Variants in KCNT2 observed in about 807,000 individuals in gnomAD.
The protein encoded by KCNT2 is potassium channel subfamily T member 2.
A neutral mutation model predicts 153.8 loss-of-function variants in KCNT2; 67 were observed. The ratio of observed to expected loss-of-function variants is 0.44; its 90% confidence interval spans 0.36 to 0.53. KCNT2 has a LOEUF of 0.53. Ranked by LOEUF, KCNT2 falls within the 20% of genes least tolerant of loss-of-function variation. The pLI is 0.00. For missense variants in KCNT2, 975 were observed against 1,354.8 expected, an observed-to-expected ratio of 0.72 and a Z score of 4.40; for synonymous variants, 500 against 458.8, an observed-to-expected ratio of 1.09 and a Z score of -1.15.
chr1:196,365,921 G>A (rs1477344291), intron 14 of KCNT2, among the ~76,000 whole-genome samples: 2 of 152,078 alleles, frequency 1.3e-5, no homozygotes, highest in Non-Finnish European at 2.9e-5. Flanking sequence ...GGTTGGGCAT[G>A]GCTACATAAT....
At chr1:196,542,067 A>G (rs1343377656) in intron 1 of KCNT2, among the ~76,000 whole-genome samples, 1 of 152,048 alleles carries the variant, frequency 6.6e-6, no homozygotes, top group African/African-American at 2.4e-5. Flanking sequence ...AGATTTAGAT[A>G]AAAGTTATAT....
chr1:196,423,218 T>C (rs535141448), intron 11 of KCNT2, 105 bp from the exon 12 acceptor site: 22 of 619,774 alleles, frequency 3.5e-5, no homozygotes, highest in Non-Finnish European at 5.1e-5. Flanking sequence ...AAAATGTACA[T>C]GTAGACCATG....
chr1:196,344,010 C>A (rs951253846), intron 14 of KCNT2, among the ~76,000 whole-genome samples: 1 of 152,154 alleles, frequency 6.6e-6, no homozygotes, highest in Non-Finnish European at 1.5e-5. Flanking sequence ...GAACTCCCAA[C>A]CTCAGGCGAT....
At chr1:196,526,341 A>C (rs1006224166) in intron 1 of KCNT2, among the ~76,000 whole-genome samples, 6 of 150,826 alleles carry the variant, frequency 4.0e-5, no homozygotes, top group African/African-American at 1.2e-4. Context: ...ACACATACAC[A>C]GTCCATTCAA....
At chr1:196,348,869 T>TACAAA (rs1314947421) in intron 14 of KCNT2, among the ~76,000 whole-genome samples, 2 of 151,158 alleles carry the variant, frequency 1.3e-5, no homozygotes, top group African/African-American at 2.4e-5. Context: ...CTACGAAAAA[T>TACAAA]ACAAAACAAA....
chr1:196,553,084 G>A (rs907076608), intron 1 of KCNT2, among the ~76,000 whole-genome samples: 4 of 151,052 alleles, frequency 2.6e-5, no homozygotes, highest in Admixed American at 6.6e-5. Flanking sequence ...ATAACAAAAT[G>A]TAAATGGACT....
chr1:196,360,099 C>T (rs1003677022), intron 14 of KCNT2, among the ~76,000 whole-genome samples: 1 of 152,056 alleles, frequency 6.6e-6, no homozygotes, highest in African/African-American at 2.4e-5. Flanking sequence ...AAACATTTCT[C>T]AGTCAAGTAG....
rs552346905 is a variant in KCNT2, at chr1:196,569,494, T to C, written c.95+38721A>G. Among the ~76,000 whole-genome samples the C allele has an allele frequency of 4.4e-4, 67 of 152,338 alleles. No homozygotes were observed. In the East Asian group the frequency reaches 0.011, roughly 25 times the overall value. Reference sequence around the variant, plus strand: ...GGATTGAAATAAAGCTGTGAATTTATCTGATATTTGGTCACAACATTAGGA... The same window carrying C: ...GGATTGAAATAAAGCTGTGAATTTACCTGATATTTGGTCACAACATTAGGA... On this transcript the variant is annotated intron_variant, in intron 1 of 27. Transcript: ENST00000294725.
At chr1:196,583,795 G>A (rs1399890812) in intron 1 of KCNT2, among the ~76,000 whole-genome samples, 1 of 152,080 alleles carries the variant, frequency 6.6e-6, no homozygotes, top group Non-Finnish European at 1.5e-5. Flanking sequence ...CCATAGGGCA[G>A]AAGAAAGAAT....
At chr1:196,261,624 G>A (rs1399895051) in intron 25 of KCNT2, among the ~76,000 whole-genome samples, 1 of 151,870 alleles carries the variant, frequency 6.6e-6, no homozygotes, top group Non-Finnish European at 1.5e-5. Context: ...TCTATCACTA[G>A]ACTTCTGAAT....
chr1:196,467,240 C>T (rs1161723472), intron 7 of KCNT2, among the ~76,000 whole-genome samples: 3 of 151,962 alleles, frequency 2.0e-5, no homozygotes, highest in Non-Finnish European at 4.4e-5. Flanking sequence ...GTCCAAAAAC[C>T]AATAAGGTTT....
rs142652730 is a variant in KCNT2, at chr1:196,423,001, C to A, written c.1185+49G>T. On this transcript the variant is annotated intron_variant, in intron 12 of 27. Transcript: ENST00000294725. ...TTTAAAAACTCAAATTAAAAAAAATCTTCTAAAATGGAAAGCACAACTTAC... is the reference window on the plus strand; with the variant it reads ...TTTAAAAACTCAAATTAAAAAAAATATTCTAAAATGGAAAGCACAACTTAC... 3.1e-4 allele frequency: 390 copies of A among 1,240,070 alleles called. 4 individuals are homozygous for A. The highest frequency in any genetic ancestry group is 2.2e-3 in the South Asian group (147 of 66,430). The allele number at this position is 1,240,070 out of a possible 1,614,324, so 76.8% of individuals were successfully genotyped here.
chr1:196,589,158 G>A (rs187489361), intron 1 of KCNT2, among the ~76,000 whole-genome samples: 25 of 151,832 alleles, frequency 1.6e-4, no homozygotes, highest in African/African-American at 4.3e-4. Context: ...GTAGGTTTAC[G>A]TAACAATATG....
At chr1:196,482,027 G>A (rs1210526631) in intron 4 of KCNT2, among the ~76,000 whole-genome samples, 1 of 152,140 alleles carries the variant, frequency 6.6e-6, no homozygotes, top group Non-Finnish European at 1.5e-5. Context: ...TCATATAACA[G>A]GAATACTTAA....
intron 13 of KCNT2, among the ~76,000 whole-genome samples, chr1:196,391,801 T>C (rs541185506): frequency 3.3e-5 from 5 of 151,456 alleles, no homozygotes; most frequent in South Asian, 2.1e-4. Context: ...CTGTGGGATG[T>C]AGAGGGTATA....
intron 1 of KCNT2, among the ~76,000 whole-genome samples, chr1:196,505,493 A>T (rs1681056973): frequency 6.7e-6 from 1 of 149,184 alleles, no homozygotes; most frequent in Admixed American, 6.7e-5. Flanking sequence ...GTAGCCTTGT[A>T]GTATAGTTTG....
intron 5 of KCNT2, among the ~76,000 whole-genome samples, chr1:196,475,508 C>A (rs1401523307): frequency 2.0e-5 from 3 of 151,890 alleles, no homozygotes; most frequent in Non-Finnish European, 4.4e-5. Context: ...CAGTCCCAAG[C>A]CACTTAGGAG....
At chr1:196,607,896 GGT>G (rs946842547) in intron 1 of KCNT2, among the ~76,000 whole-genome samples, 38 of 152,182 alleles carry the variant, frequency 2.5e-4, no homozygotes, top group African/African-American at 8.4e-4. Flanking sequence ...ATACCATTTG[GGT>G]GTATTGTACC....
intron 21 of KCNT2, among the ~76,000 whole-genome samples, chr1:196,306,778 C>T (rs929794175): frequency 1.7e-4 from 25 of 151,498 alleles, no homozygotes; most frequent in Admixed American, 1.6e-3. Flanking sequence ...AACACGCCCT[C>T]TTGGCCATTA....
Sources: gnomAD v4.1 joint callset for allele counts (sites outside exome capture counted in the v4.1 genomes callset) on GRCh38, gnomAD v4.1.1 for gene constraint, MANE v1.5 for transcripts, NCBI Gene and HGNC (gene_info 2026-07-23, HGNC 2026-07-21) for gene names.